Variants in PEAK1 observed in about 807,000 individuals in gnomAD.
PEAK1 encodes the protein pseudopodium enriched atypical kinase 1.
Under a neutral mutation model 124.7 loss-of-function variants are expected in PEAK1, and 54 were observed. That is an observed-to-expected ratio of 0.43 (90% CI 0.35 to 0.54). PEAK1 has a LOEUF of 0.54. Ranked by LOEUF, PEAK1 falls within the 20% of genes least tolerant of loss-of-function variation. The pLI, the probability that PEAK1 is intolerant of heterozygous loss-of-function variation, is 0.01. For synonymous variants in PEAK1, 719 were observed against 760.0 expected (o/e 0.95, Z 0.89); for missense variants, 2,046 against 2,134.5 (o/e 0.96, Z 0.82).
At chr15:77,241,174 C>CA (rs1158269856) in intron 6 of PEAK1, among the ~76,000 whole-genome samples, 1 of 151,982 alleles carries the variant, frequency 6.6e-6, no homozygotes, top group Non-Finnish European at 1.5e-5. Flanking sequence ...ACAGAAAGTC[C>CA]AAAATTTTTT....
intron 8 of PEAK1, among the ~76,000 whole-genome samples, chr15:77,145,134 T>C (rs2054081534): frequency 6.6e-6 from 1 of 152,208 alleles, no homozygotes; most frequent in African/African-American, 2.4e-5. Context: ...ATAATCTACC[T>C]CTTTACTTTC....
chr15:77,114,851 C>T lies in PEAK1; in HGVS notation c.4546G>A (p.Asp1516Asn), dbSNP rs746984995. The stretch of plus-strand genomic sequence containing the variant: ...AGTAGCAGGTTCTCTAGGCGTAGAT[C>T]GCAGTGAGTGACATGGTAGGGTTTG... ...HLKPYHVTHCDLRLENLLLVH... is the reference protein window; with the variant it reads ...HLKPYHVTHCNLRLENLLLVH... The change falls in exon 10 of 10, where the codon GAT (aspartate) becomes AAT (asparagine). Residue 1516 changes from aspartate (D) to asparagine (N), a missense_variant. Asp to Asn is a conservative substitution (Grantham distance 23). Coordinates refer to ENST00000682557, the MANE Select transcript of PEAK1 (RefSeq NM_001385026.1). 17 of 1,613,398 alleles carry T rather than the reference C, an allele frequency of 1.1e-5. No individual in the cohort carries two copies. The highest frequency in any genetic ancestry group is 1.7e-5 in the Admixed American group (1 of 60,000).
chr15:77,105,030 T>G (rs1018480838), downstream of PEAK1: 1 of 152,218 alleles, frequency 6.6e-6, no homozygotes, highest in Admixed American at 6.5e-5. Flanking sequence ...TCTCTTTACC[T>G]GAGGTACAAT....
At chr15:77,375,685 G>A (rs557771830) in intron 1 of PEAK1, among the ~76,000 whole-genome samples, 9 of 152,196 alleles carry the variant, frequency 5.9e-5, no homozygotes, top group South Asian at 2.1e-4. Flanking sequence ...AATCAGGACC[G>A]ATATAAGTCA....
At chr15:77,303,954 C>T (rs554679574) in intron 2 of PEAK1, among the ~76,000 whole-genome samples, 116 of 152,274 alleles carry the variant, frequency 7.6e-4, no homozygotes, top group Non-Finnish European at 1.0e-4. Flanking sequence ...TGTTCCAGCA[C>T]CATTTATTGA....
chr15:77,161,630 T>C (rs982553514), intron 7 of PEAK1, among the ~76,000 whole-genome samples: 22 of 152,200 alleles, frequency 1.4e-4, no homozygotes, highest in African/African-American at 4.8e-4. Flanking sequence ...GCATCAGTGA[T>C]ATGTCATGTC....
intron 6 of PEAK1, among the ~76,000 whole-genome samples, chr15:77,219,881 G>A (rs2059308977): frequency 1.3e-5 from 2 of 151,960 alleles, no homozygotes; most frequent in South Asian, 4.1e-4. Context: ...TTATACCCTA[G>A]TAATTTTATA....
chr15:77,196,836 C>A (rs1318336087), intron 6 of PEAK1, among the ~76,000 whole-genome samples: 1 of 152,032 alleles, frequency 6.6e-6, no homozygotes, highest in African/African-American at 2.4e-5. Context: ...CCTTCTAAGA[C>A]AGCTTAATTA....
chr15:77,257,411 T>C (rs1017566571), intron 5 of PEAK1, among the ~76,000 whole-genome samples: 31 of 150,240 alleles, frequency 2.1e-4, no homozygotes, highest in Middle Eastern at 3.5e-3. Context: ...TTTTTAATGA[T>C]TGCCATTCTA....
chr15:77,190,937 G>GT (rs1355094603), intron 6 of PEAK1, among the ~76,000 whole-genome samples: 2 of 152,070 alleles, frequency 1.3e-5, no homozygotes, highest in East Asian at 3.8e-4. Flanking sequence ...GTTTTGCAGG[G>GT]TTTTTTTGTA....
At chr15:77,322,855 C>T (rs1301329775) in intron 2 of PEAK1, among the ~76,000 whole-genome samples, 2 of 152,136 alleles carry the variant, frequency 1.3e-5, no homozygotes, top group Non-Finnish European at 2.9e-5. Context: ...GACCAATATC[C>T]CTGATGAACA....
chr15:77,290,070 C>T (rs1226846835), intron 2 of PEAK1, among the ~76,000 whole-genome samples: 1 of 152,108 alleles, frequency 6.6e-6, no homozygotes, highest in African/African-American at 2.4e-5. Context: ...CAGGCTCAAG[C>T]GATTCTCCTG....
chr15:77,120,775 C>T (rs927467828), intron 9 of PEAK1, among the ~76,000 whole-genome samples: 2 of 152,216 alleles, frequency 1.3e-5, no homozygotes, highest in African/African-American at 4.8e-5. Flanking sequence ...AAGTCCTGGC[C>T]TTGCCTCCCT....
intron 9 of PEAK1, among the ~76,000 whole-genome samples, chr15:77,130,548 T>C (rs138960677): frequency 2.6e-5 from 4 of 152,330 alleles, no homozygotes; most frequent in African/African-American, 9.6e-5. Context: ...TCTGTCTTGA[T>C]AGACAGGTAA....
At chr15:77,182,875 A>G (rs968401380) in intron 6 of PEAK1, among the ~76,000 whole-genome samples, 8 of 151,860 alleles carry the variant, frequency 5.3e-5, no homozygotes, top group African/African-American at 1.9e-4. Flanking sequence ...GGTCTTGAAT[A>G]GGGGAAACAA....
chr15:77,129,599 C>CTTTT (rs148499293), intron 9 of PEAK1, among the ~76,000 whole-genome samples: 12 of 130,046 alleles, frequency 9.2e-5, no homozygotes, highest in Non-Finnish European at 1.2e-4. Context: ...CAATGACTGG[C>CTTTT]TATTTTTTTT....
intron 1 of PEAK1, among the ~76,000 whole-genome samples, chr15:77,389,753 C>T (rs2070294396): frequency 6.6e-6 from 1 of 152,074 alleles, no homozygotes; most frequent in Non-Finnish European, 1.5e-5. Flanking sequence ...AATACAAACA[C>T]GGGAAAGCCA....
At chr15:77,274,017 T>C (rs371543835) in intron 5 of PEAK1, among the ~76,000 whole-genome samples, 1 of 151,620 alleles carries the variant, frequency 6.6e-6, no homozygotes, top group South Asian at 2.1e-4. Flanking sequence ...AACAAAAACA[T>C]AAAGTAGGAA....
chr15:77,255,749 T>C (rs1177080126), intron 5 of PEAK1, among the ~76,000 whole-genome samples: 1 of 152,192 alleles, frequency 6.6e-6, no homozygotes, highest in Admixed American at 6.6e-5. Flanking sequence ...AACTAGGGAC[T>C]GAATTAATGT....
Sources: allele counts gnomAD v4.1 joint callset (sites outside exome capture counted in the v4.1 genomes callset), GRCh38; gene constraint gnomAD v4.1.1; transcripts MANE v1.5; gene names NCBI Gene and HGNC (gene_info 2026-07-23, HGNC 2026-07-21).